Variants in FLRT2 observed in about 807,000 individuals in gnomAD.
FLRT2 encodes fibronectin leucine rich transmembrane protein 2.
In FLRT2, 15 loss-of-function variants were observed where a neutral mutation model predicts 40.0. The ratio of observed to expected loss-of-function variants is 0.38; its 90% CI spans 0.25 to 0.58. The LOEUF (loss-of-function observed/expected upper bound fraction) is 0.58. Ranked by LOEUF, FLRT2 falls within the 20% of genes least tolerant of loss-of-function variation. The pLI is 0.71. For synonymous variants in FLRT2, 380 were observed against 336.8 expected (o/e 1.13, Z -1.41); for missense variants, 726 against 840.0 (o/e 0.86, Z 1.68).
rs529307953 is a variant in FLRT2, at chr14:85,530,491, C to T, written c.-420C>T. Reference sequence around the variant, plus strand: ...TCCCTTTCCACCTCCCTGACCCTGTCGGATTCGGATGAGCCCATTGCAAGG... The same window carrying T: ...TCCCTTTCCACCTCCCTGACCCTGTTGGATTCGGATGAGCCCATTGCAAGG... On this transcript the variant is annotated 5_prime_UTR_variant, in exon 1 of 2. Coordinates refer to ENST00000330753, the MANE Select transcript of FLRT2 (RefSeq NM_013231.6). 9 of 152,868 alleles carry T rather than the reference C, an allele frequency of 5.9e-5. No homozygotes were observed. The highest frequency in any genetic ancestry group is 1.9e-4 in the African/African-American group (8 of 41,584). 9.5% of individuals were successfully genotyped at this position (152,868 alleles called of 1,614,324 possible).
chr14:85,593,171 A>G (rs1251250698), intron 1 of FLRT2, among the ~76,000 whole-genome samples: 2 of 152,230 alleles, frequency 1.3e-5, no homozygotes, highest in Non-Finnish European at 2.9e-5. Context: ...AGAGAAAAGG[A>G]AACAGACATT....
At position 85,650,654 on chromosome 14, in the gene FLRT2, G is replaced by C. The variant is rs1894410786; in HGVS notation, c.*27157G>C. On this transcript the variant is annotated 3_prime_UTR_variant, in exon 2 of 2. Coordinates refer to ENST00000330753, the MANE Select transcript of FLRT2 (RefSeq NM_013231.6). Reference sequence around the variant, plus strand: ...GCAAAACATTTAAGTATTTATGTTTGTGATAAAAATGGAGTCTTATTTTGA... The same window carrying C: ...GCAAAACATTTAAGTATTTATGTTTCTGATAAAAATGGAGTCTTATTTTGA... 1 of 151,916 alleles carries C rather than the reference G, an allele frequency of 6.6e-6. No homozygotes were observed. Among genetic ancestry groups the C allele is most frequent in the East Asian group, 1.9e-4 (1 of 5,172 alleles). The allele number at this position is 151,916 out of a possible 1,614,324, so 9.4% of individuals were successfully genotyped here. A position where few individuals can be genotyped will look rare whatever the true frequency, so the allele number is the denominator to read the frequency against.
In FLRT2 at chr14:85,632,632, TAA is replaced by T. The variant is rs549635773; in HGVS notation, c.*9140_*9141del. ...TTTTTTTCATCTTCATCAGCAAAATTAAAAAAGACAGTCATTATTCACTATGT... is the reference window on the plus strand; with the variant it reads ...TTTTTTTCATCTTCATCAGCAAAATTAAAAGACAGTCATTATTCACTATGT... On this transcript the variant is annotated 3_prime_UTR_variant, in exon 2 of 2. Transcript: ENST00000330753. The T allele has an allele frequency of 1.8e-3, 272 of 151,522 alleles. No homozygotes were observed. Among genetic ancestry groups the T allele is most frequent in the African/African-American group, 6.3e-3 (260 of 41,314 alleles). 9.4% of individuals were successfully genotyped at this position (151,522 alleles called of 1,614,324 possible).
chr14:85,601,721 T>A (rs1308009770), intron 1 of FLRT2, among the ~76,000 whole-genome samples: 1 of 152,138 alleles, frequency 6.6e-6, no homozygotes, highest in Non-Finnish European at 1.5e-5. Context: ...GATGTGAGGA[T>A]CAAACAAGAT....
chr14:85,537,969 T>C (rs1482552702), intron 1 of FLRT2, among the ~76,000 whole-genome samples: 2 of 152,098 alleles, frequency 1.3e-5, no homozygotes, highest in Non-Finnish European at 2.9e-5. Flanking sequence ...TCAGGGAAAT[T>C]CATCATGTTG....
At chr14:85,551,643 A>G (rs2139826156) in intron 1 of FLRT2, 1 of 152,282 alleles carries the variant, frequency 6.6e-6, no homozygotes, top group Non-Finnish European at 1.5e-5. Flanking sequence ...GAAAGGATGA[A>G]TATATATAGG....
chr14:85,638,863 C>T lies in FLRT2; in HGVS notation c.*15366C>T, dbSNP rs1374930892. The T allele has an allele frequency of 6.6e-6, 1 of 152,114 alleles. No individual in the cohort carries two copies. Among genetic ancestry groups the T allele is most frequent in the East Asian group, 1.9e-4 (1 of 5,188 alleles). 9.4% of individuals were successfully genotyped at this position (152,114 alleles called of 1,614,324 possible). A position where few individuals can be genotyped will look rare whatever the true frequency, so the allele number is the denominator to read the frequency against. ...ACTTTTCCCCTTCTCTTATGATTGT[C>T]AAATAACCTTGTTATATGCTAAAAA... On this transcript the variant is annotated 3_prime_UTR_variant, in exon 2 of 2. Coordinates refer to ENST00000330753, the MANE Select transcript of FLRT2 (RefSeq NM_013231.6).
At chr14:85,556,363 A>G (rs1331014104) in intron 1 of FLRT2, among the ~76,000 whole-genome samples, 1 of 152,132 alleles carries the variant, frequency 6.6e-6, no homozygotes, top group Non-Finnish European at 1.5e-5. Context: ...TCCATTTCCC[A>G]TACAAGTAGT....
chr14:85,623,230 C>T lies in FLRT2; in HGVS notation c.1716C>T (p.Tyr572=). Residue 572 remains tyrosine, a synonymous_variant, in exon 2 of 2, where the codon TAC becomes TAT. Transcript: ENST00000330753. ...FCWHMHKKGR[Y]TSQKWKYNRG... is the part of the protein sequence containing the mutation. ...GGCATATGCACAAAAAGGGGCGCTACACCTCCCAGAAGTGGAAATACAACC... is the reference window on the plus strand; with the variant it reads ...GGCATATGCACAAAAAGGGGCGCTATACCTCCCAGAAGTGGAAATACAACC... 6.5e-7 allele frequency: 1 copy of T among 1,528,094 alleles called. No homozygotes were observed. 94.7% of individuals were successfully genotyped at this position (1,528,094 alleles called of 1,614,324 possible). A position where few individuals can be genotyped will look rare whatever the true frequency, so the allele number is the denominator to read the frequency against.
At chr14:85,593,220 A>G (rs529812277) in intron 1 of FLRT2, among the ~76,000 whole-genome samples, 1 of 152,200 alleles carries the variant, frequency 6.6e-6, no homozygotes, top group Non-Finnish European at 1.5e-5. Context: ...ATTAACTTTT[A>G]ATTTTTTTTG....
At chr14:85,552,171 G>A (rs72691292) in intron 1 of FLRT2, among the ~76,000 whole-genome samples, 22,890 of 152,108 alleles carry the variant, frequency 0.15, 2,124 homozygotes, top group Admixed American at 0.22. Flanking sequence ...GTACAAGGCC[G>A]GGCAGTTCTA....
Position 85,608,391 on chromosome 14 carries a change from G to A in FLRT2, c.-376-12748G>A, listed in dbSNP as rs539486031. Among the ~76,000 whole-genome samples the A allele has an allele frequency of 2.6e-5, 4 of 152,054 alleles. No homozygotes were observed. The South Asian group carries it at 8.3e-4, about 32-fold the overall frequency. On this transcript the variant is annotated intron_variant, in intron 1 of 1. Transcript: ENST00000330753. ...ATTGCAAGAGCGAGCCTGCCACCATGCCTGGCTAAATTTTGTATTTTTAGT... is the reference window on the plus strand; with the variant it reads ...ATTGCAAGAGCGAGCCTGCCACCATACCTGGCTAAATTTTGTATTTTTAGT...
rs1894148410 is a variant in FLRT2 at position 85,641,517 on chromosome 14, G to C, written c.*18020G>C. The C allele has an allele frequency of 6.6e-6, 1 of 152,238 alleles. No homozygotes were observed. 9.4% of individuals were successfully genotyped at this position (152,238 alleles called of 1,614,324 possible). A position where few individuals can be genotyped will look rare whatever the true frequency, so the allele number is the denominator to read the frequency against. ...AGTCAGGTGATGTGAATAGCAGCAG[G>C]AGAGACCTGATTTCTGGATAAGGAC... On this transcript the variant is annotated 3_prime_UTR_variant, in exon 2 of 2. Transcript: ENST00000330753.
chr14:85,583,579 C>T (rs1178838125), intron 1 of FLRT2, among the ~76,000 whole-genome samples: 1 of 152,156 alleles, frequency 6.6e-6, no homozygotes, highest in Non-Finnish European at 1.5e-5. Flanking sequence ...TGGAGAGACG[C>T]TCCTAGCACA....
Position 85,626,246 on chromosome 14 carries a change from T to C in FLRT2, c.*2749T>C, listed in dbSNP as rs962627336. ...ACTGTCCCTGGGGATTCTGCTTTGATTGGCATTTTTAGTCATGGGAATGTA... is the reference window on the plus strand; with the variant it reads ...ACTGTCCCTGGGGATTCTGCTTTGACTGGCATTTTTAGTCATGGGAATGTA... On this transcript the variant is annotated 3_prime_UTR_variant, in exon 2 of 2. Coordinates refer to ENST00000330753, the MANE Select transcript of FLRT2 (RefSeq NM_013231.6). 6.0e-6 allele frequency: 1 copy of C among 167,126 alleles called. No homozygotes were observed. The highest frequency in any genetic ancestry group is 2.4e-5 in the African/African-American group (1 of 41,480). The allele number at this position is 167,126 out of a possible 1,614,324, so 10.4% of individuals were successfully genotyped here.
chr14:85,604,311 C>T (rs1459855831), intron 1 of FLRT2, among the ~76,000 whole-genome samples: 1 of 152,108 alleles, frequency 6.6e-6, no homozygotes. Flanking sequence ...TTATCCAGAT[C>T]TTCCTTTACT....
At chr14:85,613,730 C>T (rs762727529) in intron 1 of FLRT2, among the ~76,000 whole-genome samples, 1 of 152,206 alleles carries the variant, frequency 6.6e-6, no homozygotes, top group Non-Finnish European at 1.5e-5. Flanking sequence ...ACCAGCCTGT[C>T]TGCCTAGAGC....
intron 1 of FLRT2, among the ~76,000 whole-genome samples, chr14:85,619,214 G>A (rs1893275324): frequency 6.6e-6 from 1 of 151,670 alleles, no homozygotes; most frequent in African/African-American, 2.4e-5. Context: ...CTTCAGAGTG[G>A]CAGAGACTAC....
At chr14:85,550,406 G>C (rs1230004324) in intron 1 of FLRT2, among the ~76,000 whole-genome samples, 2 of 152,150 alleles carry the variant, frequency 1.3e-5, no homozygotes, top group Non-Finnish European at 1.5e-5. Flanking sequence ...AGCAAAAAAA[G>C]GCAGATCAGG....
Sources: allele counts gnomAD v4.1 joint callset (sites outside exome capture counted in the v4.1 genomes callset), GRCh38; gene constraint gnomAD v4.1.1; transcripts MANE v1.5; gene names NCBI Gene and HGNC (gene_info 2026-07-23, HGNC 2026-07-21).